The following TAB3 variants were observed in gnomAD, a reference collection of about 807,000 sequenced individuals.
TAB3 encodes the protein TGF-beta activated kinase 1 (MAP3K7) binding protein 3.
TAB3 carries 18 observed loss-of-function variants against 48.1 expected under a neutral mutation model. That is an observed-to-expected ratio of 0.37 (90% CI 0.26 to 0.55). TAB3 has a LOEUF of 0.55. TAB3 is among the 20% of genes least tolerant of loss of function. The probability of loss-of-function intolerance (pLI) is 0.78; values close to 1 mark genes in which losing one functional copy is unlikely to be tolerated. For missense variants in TAB3, 414 were observed against 549.8 expected (o/e 0.75, Z 2.47); for synonymous variants, 185 against 190.2 (o/e 0.97, Z 0.22).
chrX:30,886,221 A>G lies in TAB3; in HGVS notation c.-383+2893T>C, dbSNP rs1422250701. Among the ~76,000 whole-genome samples the G allele has an allele frequency of 2.7e-5, 3 of 112,280 alleles. No individual in the cohort carries two copies. In the East Asian group the frequency reaches 8.3e-4, roughly 31 times the overall value. On this transcript the variant is annotated intron_variant, in intron 1 of 10. Coordinates refer to ENST00000288422, the MANE Select transcript of TAB3 (RefSeq NM_152787.5). ...ATATAGAAGGTATGAAAATAAACTT[A>G]TAAGTAGATATGAGGCAATTTCCTG...
At chrX:30,862,288 C>G (rs1014447940) in intron 4 of TAB3, among the ~76,000 whole-genome samples, 2 of 112,204 alleles carry the variant, frequency 1.8e-5, no homozygotes, top group African/African-American at 6.5e-5. Context: ...AAACCACATT[C>G]AGAACACTTC....
intron 9 of TAB3, 114 bp downstream of exon 9, chrX:30,842,852 G>A (rs1938498890): frequency 4.5e-6 from 2 of 444,492 alleles, no homozygotes; most frequent in African/African-American, 2.5e-5. Context: ...TAAAAATATG[G>A]TAACTTTATG....
intron 1 of TAB3, among the ~76,000 whole-genome samples, chrX:30,881,028 T>C (rs909035887): frequency 9.0e-6 from 1 of 111,682 alleles, no homozygotes; most frequent in Admixed American, 9.5e-5. Context: ...TAATGATCTA[T>C]TCATACAGTG....
At chrX:30,866,329 CAT>C (rs1939401678) in intron 4 of TAB3, among the ~76,000 whole-genome samples, 1 of 110,546 alleles carries the variant, frequency 9.0e-6, no homozygotes, top group Non-Finnish European at 1.9e-5. Flanking sequence ...GCTGAGAGGA[CAT>C]AGAGGCAACA....
chrX:30,862,598 C>A (rs777560603), intron 4 of TAB3, among the ~76,000 whole-genome samples: 2 of 111,862 alleles, frequency 1.8e-5, no homozygotes, highest in South Asian at 3.7e-4. Flanking sequence ...TCAGATGCTA[C>A]TGAATCCAAG....
intron 5 of TAB3, among the ~76,000 whole-genome samples, chrX:30,857,280 T>G (rs1027380445): frequency 4.5e-5 from 5 of 111,543 alleles, no homozygotes; most frequent in South Asian, 3.7e-4. Flanking sequence ...ACTCAAAGAT[T>G]TGAATTATTT....
At chrX:30,846,317 G>A (rs1938621908) in intron 8 of TAB3, 3 of 342,354 alleles carry the variant, frequency 8.8e-6, no homozygotes, top group Admixed American at 5.5e-5. Flanking sequence ...TAAATGCAAA[G>A]TAACAACATA....
chrX:30,843,275 A>C lies in TAB3; in HGVS notation c.1805-226T>G. ...CAGATGTATGTCTACAATGTATTAC[A>C]CTTAAAGGAATATTTTTCTAATTGT... On this transcript the variant is annotated intron_variant, in intron 8 of 10. Coordinates refer to ENST00000288422, the MANE Select transcript of TAB3 (RefSeq NM_152787.5). 4 of 251,908 alleles carry C rather than the reference A, an allele frequency of 1.6e-5. 1 individual carries two copies. The South Asian group carries it at 6.7e-4, about 42-fold the overall frequency. The allele number at this position is 251,908 out of a possible 1,213,427, so 20.8% of individuals were successfully genotyped here.
At position 30,867,560 on chromosome X, in the gene TAB3, G is replaced by A. The variant is rs766630847; in HGVS notation, c.-279-11C>T. 2 of 111,470 alleles carry A rather than the reference G, an allele frequency of 1.8e-5. No homozygotes were observed. The highest frequency in any genetic ancestry group is 3.8e-5 in the Non-Finnish European group (2 of 53,076). 9.2% of individuals were successfully genotyped at this position (111,470 alleles called of 1,213,427 possible). Reference sequence around the variant, plus strand: ...CAGTAGTCTAGAAATCTGAGAAAACGAAAAGATGGTTATCTTTTTGCTAAC... The same window carrying A: ...CAGTAGTCTAGAAATCTGAGAAAACAAAAAGATGGTTATCTTTTTGCTAAC... On this transcript the variant is annotated splice_polypyrimidine_tract_variant and intron_variant, in intron 2 of 10. Transcript: ENST00000288422.
intron 7 of TAB3, among the ~76,000 whole-genome samples, chrX:30,847,978 G>A (rs914457725): frequency 7.1e-5 from 8 of 112,179 alleles, no homozygotes; most frequent in South Asian, 3.7e-4. Context: ...AATGCTTTGC[G>A]CCTTGCCTAT....
intron 2 of TAB3, among the ~76,000 whole-genome samples, chrX:30,869,404 T>C (rs961647095): frequency 2.0e-4 from 22 of 111,939 alleles, no homozygotes; most frequent in Non-Finnish European, 1.3e-4. Context: ...AACCCCCTCC[T>C]AAATGCCTAC....
At chrX:30,862,808 C>G (rs1939290721) in intron 4 of TAB3, among the ~76,000 whole-genome samples, 1 of 111,919 alleles carries the variant, frequency 8.9e-6, no homozygotes, top group Non-Finnish European at 1.9e-5. Flanking sequence ...TAGTAGGTAT[C>G]AGAGACATTT....
At chrX:30,876,782 C>T (rs1253947206) in intron 1 of TAB3, among the ~76,000 whole-genome samples, 2 of 110,965 alleles carry the variant, frequency 1.8e-5, no homozygotes, top group South Asian at 7.6e-4. Context: ...ATGCAAAAAC[C>T]GAAACTAAGA....
chrX:30,870,374 A>T (rs1463672557), intron 2 of TAB3, among the ~76,000 whole-genome samples: 1 of 112,668 alleles, frequency 8.9e-6, no homozygotes, highest in Non-Finnish European at 1.9e-5. Flanking sequence ...GCTATTTATA[A>T]TCATTAACTA....
At chrX:30,888,527 C>T (rs748797746) in intron 1 of TAB3, among the ~76,000 whole-genome samples, 3 of 112,387 alleles carry the variant, frequency 2.7e-5, no homozygotes, top group Non-Finnish European at 5.6e-5. Context: ...AACTACAGAA[C>T]TCCAACTGGG....
At chrX:30,839,242 ATCTGG>A (rs1394626126) in intron 9 of TAB3, among the ~76,000 whole-genome samples, 1 of 112,015 alleles carries the variant, frequency 8.9e-6, no homozygotes, top group Non-Finnish European at 1.9e-5. Context: ...TTTTTCCTGT[ATCTGG>A]TGAAACGATC....
At chrX:30,876,530 G>A (rs1180456900) in intron 1 of TAB3, among the ~76,000 whole-genome samples, 2 of 111,513 alleles carry the variant, frequency 1.8e-5, no homozygotes, top group South Asian at 3.8e-4. Flanking sequence ...TTTTGAGACC[G>A]GGTCTCGCTC....
intron 4 of TAB3, among the ~76,000 whole-genome samples, chrX:30,864,208 A>G (rs1939335906): frequency 8.9e-6 from 1 of 111,770 alleles, no homozygotes; most frequent in Admixed American, 9.5e-5. Context: ...GGAGCTGTGT[A>G]GGCGGTAACC....
intron 1 of TAB3, among the ~76,000 whole-genome samples, chrX:30,874,287 A>G (rs1319269061): frequency 8.9e-6 from 1 of 112,391 alleles, no homozygotes; most frequent in Non-Finnish European, 1.9e-5. Context: ...ATGTGCTATT[A>G]AGAACTGTAT....
Sources: gnomAD v4.1 joint callset for allele counts (sites outside exome capture counted in the v4.1 genomes callset) on GRCh38, gnomAD v4.1.1 for gene constraint, MANE v1.5 for transcripts, NCBI Gene and HGNC (gene_info 2026-07-23, HGNC 2026-07-21) for gene names.